The following PREP variants were observed in gnomAD, a reference collection of about 807,000 sequenced individuals.
The protein encoded by PREP is dJ355L5.1 (prolyl endopeptidase).
Under a neutral mutation model 87.6 loss-of-function variants are expected in PREP, and 29 were observed. The ratio of observed to expected loss-of-function variants is 0.33; its 90% CI spans 0.25 to 0.45. The LOEUF (loss-of-function observed/expected upper bound fraction) is 0.45, where lower values mean the gene tolerates loss of function less well. Among genes scored for constraint, PREP ranks in the 20% least tolerant of loss-of-function variants. The pLI, the probability that PREP is intolerant of heterozygous loss-of-function variation, is 1.00. For missense variants in PREP, 695 were observed against 886.5 expected (o/e 0.78, Z 2.74); for synonymous variants, 337 against 328.6 (o/e 1.03, Z -0.28).
At position 105,281,696 on chromosome 6, in the gene PREP, CA is replaced by C; in HGVS notation, c.1838+49del. ...GCACTAATCCTGCTGTGACTGTGTTCAACTTTATATCAAACCACTAACAACA... is the reference window on the plus strand; with the variant it reads ...GCACTAATCCTGCTGTGACTGTGTTCACTTTATATCAAACCACTAACAACA... On this transcript the variant is annotated intron_variant, in intron 14 of 14. Transcript: ENST00000652536. 3.2e-6 allele frequency: 5 copies of C among 1,580,596 alleles called. 1 individual carries two copies.
At chr6:105,338,744 C>T (rs1562205924) in intron 7 of PREP, among the ~76,000 whole-genome samples, 1 of 152,214 alleles carries the variant, frequency 6.6e-6, no homozygotes, top group Non-Finnish European at 1.5e-5. Context: ...GATTATATCC[C>T]GCCCCTGGCT....
intron 2 of PREP, among the ~76,000 whole-genome samples, chr6:105,395,179 T>TA (rs2114734760): frequency 6.6e-6 from 1 of 152,230 alleles, no homozygotes; most frequent in South Asian, 2.1e-4. Context: ...ATATATATTT[T>TA]AAAAAAGAAC....
intron 8 of PREP, among the ~76,000 whole-genome samples, chr6:105,330,524 G>A (rs1205071022): frequency 3.9e-5 from 6 of 152,148 alleles, no homozygotes; most frequent in African/African-American, 7.2e-5. Context: ...ATGAGGAAAG[G>A]AGAAAACGAA....
chr6:105,388,768 G>C (rs1226461362), intron 2 of PREP, among the ~76,000 whole-genome samples: 4 of 152,198 alleles, frequency 2.6e-5, no homozygotes, highest in African/African-American at 9.7e-5. Flanking sequence ...TACTACAGCA[G>C]GGATACATAC....
chr6:105,372,954 T>C (rs1238667705), intron 5 of PREP, among the ~76,000 whole-genome samples: 1 of 152,152 alleles, frequency 6.6e-6, no homozygotes, highest in Non-Finnish European at 1.5e-5. Context: ...AGCCTAGGCA[T>C]TAAGAAGGCT....
intron 2 of PREP, among the ~76,000 whole-genome samples, chr6:105,389,392 C>T (rs1218550516): frequency 6.6e-6 from 1 of 152,166 alleles, no homozygotes; most frequent in Non-Finnish European, 1.5e-5. Context: ...CTGGTACCAT[C>T]CAGCAAATAC....
At chr6:105,313,116 T>C (rs984044673) in intron 10 of PREP, among the ~76,000 whole-genome samples, 1 of 152,164 alleles carries the variant, frequency 6.6e-6, no homozygotes, top group African/African-American at 2.4e-5. Context: ...TAAAACCAGG[T>C]CAAGGTACAC....
intron 10 of PREP, chr6:105,298,606 A>G (rs1770466223): frequency 6.6e-6 from 1 of 152,524 alleles, no homozygotes; most frequent in African/African-American, 2.4e-5. Flanking sequence ...CTGTCTTCCC[A>G]TCTGCCCTGT....
In PREP at chr6:105,276,020, A is replaced by G. The variant is rs910625900; in HGVS notation, c.*2124T>C. Among the ~76,000 whole-genome samples the G allele has an allele frequency of 6.6e-6, 1 of 152,232 alleles. No individual in the cohort carries two copies. Among genetic ancestry groups the G allele is most frequent in the Admixed American group, 6.5e-5 (1 of 15,282 alleles). On this transcript the variant is annotated 3_prime_UTR_variant, in exon 15 of 15. Transcript: ENST00000652536. ...TCAAAATAGCTAGAAGAGAGTAATCATAAGAAAGAGCCAAAGGGCAGAGCA... is the reference window on the plus strand; with the variant it reads ...TCAAAATAGCTAGAAGAGAGTAATCGTAAGAAAGAGCCAAAGGGCAGAGCA...
intron 10 of PREP, among the ~76,000 whole-genome samples, chr6:105,300,837 A>G (rs1248990549): frequency 6.6e-6 from 1 of 152,228 alleles, no homozygotes; most frequent in African/African-American, 2.4e-5. Context: ...TCAAAAAAAA[A>G]AGAATATCTT....
rs1773471065 is a variant in PREP at position 105,402,839 on chromosome 6, ATACT to A, written c.45+4_45+7del. On this transcript the variant is annotated splice_donor_5th_base_variant and intron_variant, in intron 1 of 14. Transcript: ENST00000652536. ...GGGAGCCCTCTGGGCGGAGGCAGAGATACTTACGGCGGTCTCGTCGCGGTACACG... is the reference window on the plus strand; with the variant it reads ...GGGAGCCCTCTGGGCGGAGGCAGAGATACGGCGGTCTCGTCGCGGTACACG... 6.5e-7 allele frequency: 1 copy of A among 1,543,448 alleles called. No homozygotes were observed. The highest frequency in any genetic ancestry group is 8.7e-7 in the Non-Finnish European group (1 of 1,142,886).
Position 105,307,096 on chromosome 6 carries a change from A to G in PREP, c.1317+16569T>C, listed in dbSNP as rs980842764. On this transcript the variant is annotated intron_variant, in intron 10 of 14. Coordinates refer to ENST00000652536, the MANE Select transcript of PREP (RefSeq NM_002726.5). The stretch of plus-strand genomic sequence containing the variant: ...TGTAAATTCAGCTGACCTAGTCCTT[A>G]TTGTGTTTTATGAGACTCTGGGATC... 2.0e-5 allele frequency among the ~76,000 whole-genome samples: 3 copies of G among 152,082 alleles called. 1 individual carries two copies. The highest frequency in any genetic ancestry group is 7.2e-5 in the African/African-American group (3 of 41,412).
intron 1 of PREP, among the ~76,000 whole-genome samples, chr6:105,399,202 T>C (rs1239260344): frequency 6.6e-6 from 1 of 152,218 alleles, no homozygotes; most frequent in Non-Finnish European, 1.5e-5. Flanking sequence ...AGTTAAGGCT[T>C]CTTGTATAAA....
At chr6:105,355,765 G>A (rs991068669) in intron 6 of PREP, among the ~76,000 whole-genome samples, 13 of 152,086 alleles carry the variant, frequency 8.5e-5, no homozygotes, top group African/African-American at 3.1e-4. Flanking sequence ...AATGAAATGT[G>A]TCCATTTTTG....
At chr6:105,369,195 T>G (rs927943357) in intron 5 of PREP, among the ~76,000 whole-genome samples, 171 bp from the exon 6 acceptor site, 1 of 152,218 alleles carries the variant, frequency 6.6e-6, no homozygotes, top group Admixed American at 6.5e-5. Context: ...CAAGTAGATT[T>G]TGAAATTAGA....
chr6:105,278,919 A>G lies in PREP; in HGVS notation c.1839-481T>C, dbSNP rs1770008667. On this transcript the variant is annotated intron_variant, in intron 14 of 14. Transcript: ENST00000652536. The surrounding 1 kb of genome is among the most constrained non-coding windows in gnomAD (Gnocchi z 4.2). ...CCTTTATTCCAGGCTCAGTTTTGCA[A>G]TCTTAGGAAAAGCACATGTCCTCTC... 6.5e-6 allele frequency: 1 copy of G among 152,768 alleles called. No individual in the cohort carries two copies. Among genetic ancestry groups the G allele is most frequent in the African/African-American group, 2.4e-5 (1 of 41,392 alleles). 9.5% of individuals were successfully genotyped at this position (152,768 alleles called of 1,614,324 possible).
chr6:105,362,388 G>A (rs1483943830), intron 6 of PREP, among the ~76,000 whole-genome samples: 1 of 152,220 alleles, frequency 6.6e-6, no homozygotes, highest in African/African-American at 2.4e-5. Flanking sequence ...TTGAACCCAG[G>A]AGATGGAGGT....
At chr6:105,377,609 CTT>C in intron 2 of PREP, 90 bp from the exon 3 acceptor site, 2 of 1,397,162 alleles carry the variant, frequency 1.4e-6, no homozygotes, top group South Asian at 1.2e-5. Context: ...AAAAAGCACA[CTT>C]TGTCTCTTAG....
At chr6:105,312,261 A>T (rs965282685) in intron 10 of PREP, among the ~76,000 whole-genome samples, 1 of 152,220 alleles carries the variant, frequency 6.6e-6, no homozygotes, top group Non-Finnish European at 1.5e-5. Flanking sequence ...GGCTACTTCT[A>T]TACAGGCATA....
Sources: gnomAD v4.1 joint callset for allele counts (sites outside exome capture counted in the v4.1 genomes callset) on GRCh38, gnomAD v4.1.1 for gene constraint, Gnocchi (gnomAD v3.1) non-coding constraint, MANE v1.5 for transcripts, NCBI Gene and HGNC (gene_info 2026-07-23, HGNC 2026-07-21) for gene names.